ALDH2: variants seen among roughly 807,000 people sequenced by gnomAD.
ALDH2 encodes the protein aldehyde dehydrogenase, mitochondrial.
In ALDH2, 44 loss-of-function variants were observed where a neutral mutation model predicts 59.6. That is an observed-to-expected ratio of 0.74 (90% CI 0.58 to 0.95). ALDH2 has a LOEUF of 0.95. ALDH2 is among the 40% of genes least tolerant of loss of function. The pLI, the probability that ALDH2 is intolerant of heterozygous loss-of-function variation, is 0.00. For missense variants in ALDH2, 570 were observed against 696.3 expected (o/e 0.82, Z 2.04); for synonymous variants, 291 against 284.0 (o/e 1.02, Z -0.25).
At chr12:111,784,426 C>T (rs2068295197) in intron 3 of ALDH2, among the ~76,000 whole-genome samples, 1 of 152,240 alleles carries the variant, frequency 6.6e-6, no homozygotes, top group African/African-American at 2.4e-5. Context: ...ATGGCCAAGC[C>T]TCTTTGAGCA....
rs780035440 is a variant in ALDH2 at position 111,798,125 on chromosome 12, G to A, written c.1131G>A (p.Gly377=). 1 of 1,614,072 alleles carries A rather than the reference G, an allele frequency of 6.2e-7. No individual in the cohort carries two copies. The highest frequency in any genetic ancestry group is 8.5e-7 in the Non-Finnish European group (1 of 1,179,986). ...FKKILGYINT[G]KQEGAKLLCG... is the part of the protein sequence containing the mutation. The stretch of plus-strand genomic sequence containing the variant: ...AGATCCTCGGCTACATCAACACGGG[G>A]AAGCAAGAGGGGGCGAAGCTGCTGT... The change falls in exon 10 of 13, where the codon GGG becomes GGA. Residue 377 remains glycine (G), a synonymous_variant. Coordinates refer to ENST00000261733, the MANE Select transcript of ALDH2 (RefSeq NM_000690.4).
At chr12:111,807,875 A>ATTTTT (rs35239056) in intron 12 of ALDH2, among the ~76,000 whole-genome samples, 1 of 139,250 alleles carries the variant, frequency 7.2e-6, no homozygotes. Flanking sequence ...AGGTGGCTCA[A>ATTTTT]TTTTTTTTTT....
At chr12:111,783,409 T>A in intron 3 of ALDH2, 111 bp downstream of exon 3, 1 of 1,345,210 alleles carries the variant, frequency 7.4e-7, no homozygotes, top group Non-Finnish European at 1.0e-6. Context: ...AACACACATC[T>A]GACACGGGAC....
Position 111,799,880 on chromosome 12 carries a change from C to G in ALDH2, c.1249-26C>G, listed in dbSNP as rs747287850. ...GGCAGGTGCCTCCGTGTTGCCGAAC[C>G]CTCCTACGCTGCTCTCTCACTCCAG... On this transcript the variant is annotated intron_variant, in intron 10 of 12. Transcript: ENST00000261733. 6 of 1,595,288 alleles carry G rather than the reference C, an allele frequency of 3.8e-6. No individual in the cohort carries two copies. The African/African-American group carries it at 8.0e-5, about 21-fold the overall frequency.
Position 111,790,498 on chromosome 12 carries a change from T to C in ALDH2, c.617T>C (p.Val206Ala), listed in dbSNP as rs1431960346. ...CCAGCCTTGGCAACTGGAAACGTGG[T>C]TGTGATGAAGGTAGCTGAGCAGACA... ...LGPALATGNVVVMKVAEQTPL... is the reference protein window; with the variant it reads ...LGPALATGNVAVMKVAEQTPL... The change falls in exon 6 of 13, where the codon GTT (valine) becomes GCT (alanine). Residue 206 changes from valine to alanine, a missense_variant. Val to Ala is a moderately conservative substitution (Grantham distance 64). Transcript: ENST00000261733. 13 of 1,614,158 alleles carry C rather than the reference T, an allele frequency of 8.1e-6. No individual in the cohort carries two copies. Among genetic ancestry groups the C allele is most frequent in the Middle Eastern group, 1.6e-4 (1 of 6,062 alleles).
chr12:111,781,336 G>C (rs1166282903), intron 1 of ALDH2, among the ~76,000 whole-genome samples: 1 of 152,130 alleles, frequency 6.6e-6, no homozygotes. Flanking sequence ...CTAGATCTTA[G>C]GAAGCCTTTC....
chr12:111,795,826 T>C (rs946759567), intron 9 of ALDH2, among the ~76,000 whole-genome samples: 8 of 150,704 alleles, frequency 5.3e-5, no homozygotes, highest in Non-Finnish European at 8.9e-5. Flanking sequence ...CTCCTGACCT[T>C]GTGATCCGCC....
At chr12:111,793,108 C>G (rs750773074) in intron 9 of ALDH2, among the ~76,000 whole-genome samples, 1 of 152,138 alleles carries the variant, frequency 6.6e-6, no homozygotes, top group Non-Finnish European at 1.5e-5. Context: ...GTGTATCCAC[C>G]AGAAGATACA....
chr12:111,799,305 A>G (rs535771150), intron 10 of ALDH2, among the ~76,000 whole-genome samples: 9 of 151,784 alleles, frequency 5.9e-5, no homozygotes, highest in Non-Finnish European at 1.2e-4. Context: ...AGCTGGGATT[A>G]CAGGCGCACA....
chr12:111,787,721 C>G (rs1468374952), intron 4 of ALDH2, among the ~76,000 whole-genome samples: 1 of 152,028 alleles, frequency 6.6e-6, no homozygotes, highest in Admixed American at 6.6e-5. Flanking sequence ...CATGATGAAA[C>G]CCCGTCTCTA....
rs145216963 is a variant in ALDH2, at chr12:111,786,398, G to A, written c.440+1052G>A. On this transcript the variant is annotated intron_variant, in intron 4 of 12. Transcript: ENST00000261733. ...ACTACAGGCGCCCGCCACCATGCCC[G>A]GCTGATTTTTTGTATTTTTAGTGGA... Among the ~76,000 whole-genome samples, 234 of 152,032 alleles carry A rather than the reference G, an allele frequency of 1.5e-3. 1 individual carries two copies. The highest frequency in any genetic ancestry group is 5.3e-3 in the African/African-American group (219 of 41,466).
Position 111,789,835 on chromosome 12 carries a change from C to T in ALDH2, c.453C>T (p.Gly151=). The T allele has an allele frequency of 6.2e-7, 1 of 1,614,084 alleles. No homozygotes were observed. The highest frequency in any genetic ancestry group is 1.1e-5 in the South Asian group (1 of 91,078). The change falls in exon 5 of 13, where the codon GGC becomes GGT. Residue 151 remains glycine (G), a synonymous_variant. Transcript: ENST00000261733. ...TCTTTGTTTAAAGGTATTATGCCGGCTGGGCTGATAAGTACCACGGGAAAA... is the reference window on the plus strand; with the variant it reads ...TCTTTGTTTAAAGGTATTATGCCGGTTGGGCTGATAAGTACCACGGGAAAA... ...MVLKCLRYYA[G]WADKYHGKTI...
In ALDH2 at chr12:111,810,309, A is replaced by T. The variant is rs1045430326; in HGVS notation, c.*734A>T. 7 of 152,314 alleles carry T rather than the reference A, an allele frequency of 4.6e-5. No homozygotes were observed. The highest frequency in any genetic ancestry group is 1.7e-4 in the African/African-American group (7 of 41,452). 9.4% of individuals were successfully genotyped at this position (152,314 alleles called of 1,614,324 possible). A position where few individuals can be genotyped will look rare whatever the true frequency, so the allele number is the denominator to read the frequency against. On this transcript the variant is annotated 3_prime_UTR_variant, in exon 13 of 13. Transcript: ENST00000261733. ...TCAGAGCGAGACTCCATCTCAAAAAAAGTAAATAAATGAAATAGCCTAAGG... is the reference window on the plus strand; with the variant it reads ...TCAGAGCGAGACTCCATCTCAAAAATAGTAAATAAATGAAATAGCCTAAGG...
At chr12:111,778,139 C>A (rs2068246663) in intron 1 of ALDH2, among the ~76,000 whole-genome samples, 1 of 152,182 alleles carries the variant, frequency 6.6e-6, no homozygotes, top group Non-Finnish European at 1.5e-5. Flanking sequence ...GACTGCAGAC[C>A]CTCACATGGC....
chr12:111,802,979 T>C (rs2068466521), intron 11 of ALDH2, among the ~76,000 whole-genome samples: 1 of 150,900 alleles, frequency 6.6e-6, no homozygotes. Context: ...TATCACGAAG[T>C]CAAGAGTTTG....
intron 2 of ALDH2, 131 bp downstream of exon 2, chr12:111,782,153 G>A (rs1027749682): frequency 1.5e-6 from 1 of 669,002 alleles, no homozygotes; most frequent in Admixed American, 2.6e-5. Flanking sequence ...AAAATTCCGA[G>A]TAAATTAATC....
Position 111,785,315 on chromosome 12 carries a change from G to A in ALDH2, c.409G>A (p.Val137Met), listed in dbSNP as rs760105168. 1.2e-6 allele frequency: 2 copies of A among 1,614,008 alleles called. No individual in the cohort carries two copies. The highest frequency in any genetic ancestry group is 1.7e-6 in the Non-Finnish European group (2 of 1,180,030). The change falls in exon 4 of 13, where the codon GTG (valine) becomes ATG (methionine). Residue 137 changes from valine to methionine, a missense_variant. By Grantham distance (21) the Val-to-Met change is conservative (BLOSUM62 1). Transcript: ENST00000261733. ...NGKPYVISYLVDLDMVLKCLR... is the reference protein window; with the variant it reads ...NGKPYVISYLMDLDMVLKCLR... ...CAAGCCCTATGTCATCTCCTACCTG[G>A]TGGATTTGGACATGGTCCTCAAATG...
intron 1 of ALDH2, among the ~76,000 whole-genome samples, chr12:111,781,072 G>A (rs1179038547): frequency 6.6e-6 from 1 of 152,046 alleles, no homozygotes; most frequent in Non-Finnish European, 1.5e-5. Context: ...TCACGCCACT[G>A]CACTCCAGCC....
intron 10 of ALDH2, 178 bp from the exon 11 acceptor site, chr12:111,799,728 G>A (rs748073076): frequency 1.5e-6 from 1 of 687,910 alleles, no homozygotes; most frequent in Non-Finnish European, 2.3e-6. Context: ...GTTGGCCCCT[G>A]TTAGCTCCAT....
Sources: allele counts gnomAD v4.1 joint callset (sites outside exome capture counted in the v4.1 genomes callset), GRCh38; gene constraint gnomAD v4.1.1; transcripts MANE v1.5; gene names NCBI Gene and HGNC (gene_info 2026-07-23, HGNC 2026-07-21).